Variants in AMPD3 observed in about 807,000 individuals in gnomAD.
AMPD3 encodes adenosine monophosphate deaminase 3, also known as AMP deaminase 3.
Under a neutral mutation model 82.3 loss-of-function variants are expected in AMPD3, and 57 were observed. That is an observed-to-expected ratio of 0.69 (90% confidence interval 0.56 to 0.86). AMPD3 has a LOEUF of 0.86. AMPD3 is among the 40% of genes least tolerant of loss of function. The probability of loss-of-function intolerance (pLI) is 0.00; values close to 1 mark genes in which losing one functional copy is unlikely to be tolerated. For missense variants in AMPD3, 870 were observed against 1,003.8 expected, an observed-to-expected ratio of 0.87 and a Z score of 1.80; for synonymous variants, 381 against 394.7, an observed-to-expected ratio of 0.97 and a Z score of 0.41.
Position 10,500,159 on chromosome 11 carries a change from CGGACGTCT to C in AMPD3, c.1636_1643del (p.Val546GlnfsTer2), listed in dbSNP as rs1564857385. 1.2e-5 allele frequency: 20 copies of C among 1,614,076 alleles called. No individual in the cohort carries two copies. The highest frequency in any genetic ancestry group is 1.3e-5 in the Non-Finnish European group (15 of 1,180,040). ...ATGTTTTCCGACAAGAGCCCAAACC[CGGACGTCT>C]GGACCAGTGAGCAGAACCCACCCTA... On this transcript the variant is annotated frameshift_variant, in exon 11 of 15. Transcript: ENST00000396553. LOFTEE classifies it high-confidence loss of function.
chr11:10,469,381 A>C (rs889814743), intron 2 of AMPD3, among the ~76,000 whole-genome samples: 1 of 152,224 alleles, frequency 6.6e-6, no homozygotes. Context: ...TATGCAAATA[A>C]ATTAGAAAAT....
chr11:10,504,943 T>C (rs1849676267), intron 14 of AMPD3: 1 of 213,818 alleles, frequency 4.7e-6, no homozygotes, highest in African/African-American at 2.4e-5. Flanking sequence ...TTTTTCTCCA[T>C]ACCATTTATT....
chr11:10,503,962 G>A (rs1218339029), intron 13 of AMPD3: 6 of 985,338 alleles, frequency 6.1e-6, no homozygotes, highest in Non-Finnish European at 6.0e-6. Flanking sequence ...GGTCACAGAC[G>A]GCTTGTGATG....
chr11:10,461,822 C>G (rs1848279776), intron 2 of AMPD3, 82 bp downstream of exon 2: 2 of 1,333,006 alleles, frequency 1.5e-6, no homozygotes, highest in Admixed American at 2.0e-5. Context: ...TGATATGAGG[C>G]ACCTCATGGG....
At chr11:10,499,680 A>G (rs1280540744) in intron 10 of AMPD3, 1 of 984,478 alleles carries the variant, frequency 1.0e-6, no homozygotes, top group East Asian at 1.1e-4. Flanking sequence ...GTGTACTAGG[A>G]CCCTTTTCCC....
intron 3 of AMPD3, 106 bp from the exon 4 acceptor site, chr11:10,481,957 G>T (rs1322398779): frequency 2.8e-6 from 4 of 1,414,344 alleles, no homozygotes; most frequent in African/African-American, 1.4e-5. Context: ...CTGAAATCTA[G>T]GTTCCCAGAT....
At chr11:10,495,310 T>C (rs1849361072) in intron 8 of AMPD3, 2 of 985,440 alleles carry the variant, frequency 2.0e-6, no homozygotes, top group East Asian at 1.1e-4. Flanking sequence ...TGAACCTAGC[T>C]GGGTGCAGAT....
At chr11:10,450,636 G>A, upstream of AMPD3, 1 of 999,978 alleles carries the variant, frequency 1.0e-6, no homozygotes. Flanking sequence ...AGCCCAGGAG[G>A]CGGCGGGTGC....
intron 4 of AMPD3, among the ~76,000 whole-genome samples, chr11:10,483,200 G>A (rs1245156075): frequency 6.6e-6 from 1 of 152,132 alleles, no homozygotes; most frequent in Non-Finnish European, 1.5e-5. Flanking sequence ...GGTCGGAGAG[G>A]GCTAGGTGGT....
In AMPD3 at chr11:10,455,598, G is replaced by T; in HGVS notation, c.-6+150G>T. 2 of 320,348 alleles carry T rather than the reference G, an allele frequency of 6.2e-6. 1 individual carries two copies. The highest frequency in any genetic ancestry group is 9.0e-6 in the Non-Finnish European group (2 of 221,778). The allele number at this position is 320,348 out of a possible 1,614,324, so 19.8% of individuals were successfully genotyped here. A position where few individuals can be genotyped will look rare whatever the true frequency, so the allele number is the denominator to read the frequency against. On this transcript the variant is annotated intron_variant, in intron 1 of 14. Coordinates refer to ENST00000396553, the MANE Select transcript of AMPD3 (RefSeq NM_001025389.2). ...GGGCTTCCTTCTGGGAAGAAAGGAA[G>T]GAGTGGGATGGGGCTGTCAGCTTTT...
chr11:10,454,520 C>T (rs942020173), upstream of AMPD3, among the ~76,000 whole-genome samples: 1 of 152,200 alleles, frequency 6.6e-6, no homozygotes, highest in Non-Finnish European at 1.5e-5. Context: ...CAGGACTTCT[C>T]AGGTGTTGAA....
In AMPD3 at chr11:10,493,368, C is replaced by T. The variant is rs147542803; in HGVS notation, c.959C>T (p.Ala320Val). 1.2e-5 allele frequency: 19 copies of T among 1,614,036 alleles called. No individual in the cohort carries two copies. The highest frequency in any genetic ancestry group is 1.6e-4 in the Middle Eastern group (1 of 6,082). Residue 320 changes from alanine to valine, a missense_variant, in exon 7 of 15, where the codon GCG becomes GTG. Physicochemically the swap from Ala to Val is moderately conservative, Grantham distance 64. Transcript: ENST00000396553. Reference protein sequence around the residue: ...NVRKVDTHIHAAACMNQKHLL... With the variant: ...NVRKVDTHIHVAACMNQKHLL... ...TTCCAGGTGGACACACACATCCATG[C>T]GGCCGCCTGCATGAACCAAAAGCAT...
intron 3 of AMPD3, chr11:10,481,368 G>A (rs1007619810): frequency 1.1e-6 from 1 of 882,064 alleles, no homozygotes; most frequent in Admixed American, 6.2e-5. Context: ...CGCCTTCAGG[G>A]ATAGGACTCA....
chr11:10,452,342 C>T (rs11042811), upstream of AMPD3, among the ~76,000 whole-genome samples: 63,643 of 151,922 alleles, frequency 0.42, 13,940 homozygotes, highest in East Asian at 0.69. Flanking sequence ...CATGATTCTT[C>T]CACCAAGTAT....
At chr11:10,478,256 A>G (rs1217849930) in intron 2 of AMPD3, 1 of 985,182 alleles carries the variant, frequency 1.0e-6, no homozygotes, top group Non-Finnish European at 1.2e-6. Context: ...CTCCTAGGGC[A>G]TTTGCCTGCT....
Position 10,456,070 on chromosome 11 carries a change from AG to A in AMPD3, c.-6+625del. On this transcript the variant is annotated intron_variant, in intron 1 of 14. Coordinates refer to ENST00000396553, the MANE Select transcript of AMPD3 (RefSeq NM_001025389.2). The surrounding 1 kb of genome is among the most constrained non-coding windows in gnomAD (Gnocchi z 4.3). Reference sequence around the variant, plus strand: ...GCCGCCGCTTTAGTTTCCTCTTGTGAGGGCTGTGAAGAGGGCCAGGACACTG... The same window carrying A: ...GCCGCCGCTTTAGTTTCCTCTTGTGAGGCTGTGAAGAGGGCCAGGACACTG... The A allele has an allele frequency of 9.1e-7, 1 of 1,103,838 alleles. No individual in the cohort carries two copies. The highest frequency in any genetic ancestry group is 1.1e-6 in the Non-Finnish European group (1 of 904,598). The allele number at this position is 1,103,838 out of a possible 1,614,324, so 68.4% of individuals were successfully genotyped here. A position where few individuals can be genotyped will look rare whatever the true frequency, so the allele number is the denominator to read the frequency against.
At chr11:10,463,458 T>G (rs957475402) in intron 2 of AMPD3, among the ~76,000 whole-genome samples, 6 of 152,220 alleles carry the variant, frequency 3.9e-5, no homozygotes, top group Non-Finnish European at 8.8e-5. Flanking sequence ...AGAGTATGAC[T>G]GTAGAGACCC....
Position 10,478,740 on chromosome 11 carries a change from CTG to C in AMPD3, c.426+13_426+14del. 1 of 1,609,510 alleles carries C rather than the reference CTG, an allele frequency of 6.2e-7. No individual in the cohort carries two copies. Among genetic ancestry groups the C allele is most frequent in the Non-Finnish European group, 8.5e-7 (1 of 1,179,978 alleles). ...AGATTACTGTGCCGGGGTAAGGCGT[CTG>C]TGAGAGTGTTGAATGTGCCTTGCAT... On this transcript the variant is annotated intron_variant, in intron 3 of 14. Coordinates refer to ENST00000396553, the MANE Select transcript of AMPD3 (RefSeq NM_001025389.2).
At chr11:10,476,428 G>A (rs1022630978) in intron 2 of AMPD3, among the ~76,000 whole-genome samples, 8 of 151,882 alleles carry the variant, frequency 5.3e-5, no homozygotes, top group Non-Finnish European at 8.8e-5. Flanking sequence ...CTGGTAGGCT[G>A]TTGGCTTAGG....
Sources: gnomAD v4.1 joint callset for allele counts (sites outside exome capture counted in the v4.1 genomes callset) on GRCh38, gnomAD v4.1.1 for gene constraint, Gnocchi (gnomAD v3.1) non-coding constraint, MANE v1.5 for transcripts, NCBI Gene and HGNC (gene_info 2026-07-23, HGNC 2026-07-21) for gene names.